RAG1: variants seen among roughly 807,000 people sequenced by gnomAD.
RAG1 encodes the protein recombination activating 1.
A neutral mutation model predicts 62.7 loss-of-function variants in RAG1; 35 were observed. The observed-to-expected ratio is 0.56, with a 90% CI of 0.43 to 0.74. The LOEUF (loss-of-function observed/expected upper bound fraction) is 0.74, where lower values mean the gene tolerates loss of function less well. Among genes scored for constraint, RAG1 ranks in the 30% least tolerant of loss-of-function variants. RAG1 has a pLI of 0.00. For synonymous variants in RAG1, 461 were observed against 470.3 expected (o/e 0.98, Z 0.26); for missense variants, 1,169 against 1,278.6 (o/e 0.91, Z 1.31).
At position 36,512,993 on chromosome 11, in the gene RAG1, G is replaced by A. The variant is rs146935133; in HGVS notation, n.330+1955G>A. Among the ~76,000 whole-genome samples, 287 of 152,292 alleles carry A rather than the reference G, an allele frequency of 1.9e-3. 1 individual carries two copies. The highest frequency in any genetic ancestry group is 6.7e-3 in the African/African-American group (279 of 41,554). ...TTTGGGAGGTGGGACCTAATGAGAG[G>A]CATTTGGGTCGTGGAAGGACACTCT... On this transcript the variant is annotated intron_variant and non_coding_transcript_variant, in intron 1 of 2. Coordinates refer to the RAG1 transcript ENST00000529126.
At chr11:36,532,482 C>A (rs1421259263) in intron 2 of RAG1, among the ~76,000 whole-genome samples, 3 of 152,146 alleles carry the variant, frequency 2.0e-5, no homozygotes, top group Non-Finnish European at 4.4e-5. Flanking sequence ...TTAATAACTT[C>A]ATCTATGACA....
At chr11:36,521,978 G>A (rs577845372) in intron 2 of RAG1, among the ~76,000 whole-genome samples, 5 of 152,122 alleles carry the variant, frequency 3.3e-5, no homozygotes, top group African/African-American at 9.7e-5. Flanking sequence ...GCATTCAAGA[G>A]GTGGCTTGGG....
At chr11:36,534,923 T>A (rs2133259004) in intron 2 of RAG1, among the ~76,000 whole-genome samples, 1 of 152,336 alleles carries the variant, frequency 6.6e-6, no homozygotes, top group African/African-American at 2.4e-5. Flanking sequence ...GTAAATGGAC[T>A]AAAATTATAA....
intron 3 of RAG1, among the ~76,000 whole-genome samples, chr11:36,549,820 G>A (rs1457010564): frequency 6.6e-6 from 1 of 152,192 alleles, no homozygotes; most frequent in Non-Finnish European, 1.5e-5. Flanking sequence ...GCACATGTAT[G>A]TTTATTGCAG....
At position 36,576,504 on chromosome 11, in the gene RAG1, C is replaced by T. The variant is rs1850854899; in HGVS notation, c.*68C>T. On this transcript the variant is annotated 3_prime_UTR_variant, in exon 2 of 2. Coordinates refer to ENST00000299440, the MANE Select transcript of RAG1 (RefSeq NM_000448.3). ...CCTCTGGGTTGCATTGAGGGCTTCT[C>T]CTAGCACCCTTTACTGCTGTGTATG... The T allele has an allele frequency of 1.9e-6, 3 of 1,566,524 alleles. No homozygotes were observed. The highest frequency in any genetic ancestry group is 3.3e-5 in the Admixed American group (2 of 59,854).
Position 36,559,182 on chromosome 11 carries a change from G to T in RAG1, c.-411-4203G>T, listed in dbSNP as rs546917894. On this transcript the variant is annotated intron_variant and NMD_transcript_variant, in intron 3 of 9. Transcript: ENST00000534663. The stretch of plus-strand genomic sequence containing the variant: ...GACTATATTATCACATTGTTTCCTT[G>T]CCCACAAGATTTCTGCTGATAAATA... 1.5e-3 allele frequency among the ~76,000 whole-genome samples: 225 copies of T among 151,834 alleles called. 1 individual carries two copies. Among genetic ancestry groups the T allele is most frequent in the African/African-American group, 5.2e-3 (217 of 41,412 alleles).
At chr11:36,532,679 C>A (rs1189536074) in intron 2 of RAG1, among the ~76,000 whole-genome samples, 1 of 152,164 alleles carries the variant, frequency 6.6e-6, no homozygotes, top group Non-Finnish European at 1.5e-5. Context: ...TACCTGGTCC[C>A]TTTGCTCAGC....
In RAG1 at chr11:36,574,560, A is replaced by G. The variant is rs780974569; in HGVS notation, c.1256A>G (p.Lys419Arg). Reference protein sequence around the residue: ...HRLRELKLQVKAFADKEEGGD... With the variant: ...HRLRELKLQVRAFADKEEGGD... ...CTGAGGGAGCTCAAGCTGCAAGTCA[A>G]AGCCTTTGCTGACAAAGAAGAAGGT... Residue 419 changes from lysine (K) to arginine (R), a missense_variant, in exon 2 of 2, where the codon AAA (lysine) becomes AGA (arginine). Lys to Arg is a conservative substitution (Grantham distance 26). Coordinates refer to ENST00000299440, the MANE Select transcript of RAG1 (RefSeq NM_000448.3). 12 of 1,614,136 alleles carry G rather than the reference A, an allele frequency of 7.4e-6. No homozygotes were observed. The highest frequency in any genetic ancestry group is 1.0e-5 in the Non-Finnish European group (12 of 1,180,042).
chr11:36,550,761 T>G (rs914994742), intron 3 of RAG1, among the ~76,000 whole-genome samples: 17 of 152,130 alleles, frequency 1.1e-4, no homozygotes, highest in African/African-American at 4.1e-4. Context: ...TAAGATAGCA[T>G]GATGGACTTT....
At chr11:36,561,650 G>C (rs1391628304) in intron 3 of RAG1, among the ~76,000 whole-genome samples, 1 of 152,068 alleles carries the variant, frequency 6.6e-6, no homozygotes. Flanking sequence ...GAGGAGGAAG[G>C]GTAAATTTTT....
downstream of RAG1, among the ~76,000 whole-genome samples, chr11:36,540,782 C>T (rs1383871291): frequency 1.3e-5 from 2 of 152,170 alleles, no homozygotes; most frequent in Admixed American, 6.5e-5. Flanking sequence ...GCCCAGTCTC[C>T]GTGTATGGTC....
At chr11:36,529,835 A>G (rs547898793) in intron 2 of RAG1, among the ~76,000 whole-genome samples, 2 of 152,174 alleles carry the variant, frequency 1.3e-5, no homozygotes, top group South Asian at 4.1e-4. Flanking sequence ...TTGGCTTTAC[A>G]GAATGAATTG....
In RAG1 at chr11:36,574,607, A is replaced by G. The variant is rs141524540; in HGVS notation, c.1303A>G (p.Met435Val). ...EEGGDVKSVCMTLFLLALRAR... is the reference protein window; with the variant it reads ...EEGGDVKSVCVTLFLLALRAR... ...AGGTGGAGATGTGAAGTCCGTGTGC[A>G]TGACCTTGTTCCTGCTGGCTCTGAG... The change falls in exon 2 of 2, where the codon ATG (methionine) becomes GTG (valine). Residue 435 changes from methionine to valine, a missense_variant. Transcript: ENST00000299440. The G allele has an allele frequency of 6.2e-5, 100 of 1,614,126 alleles. No individual in the cohort carries two copies. The highest frequency in any genetic ancestry group is 7.0e-5 in the Non-Finnish European group (83 of 1,180,054).
intron 2 of RAG1, among the ~76,000 whole-genome samples, chr11:36,527,365 G>T (rs747730706): frequency 6.6e-6 from 1 of 152,026 alleles, no homozygotes; most frequent in Admixed American, 6.6e-5. Flanking sequence ...GCTTGTTTTT[G>T]TCAGGTTTGT....
chr11:36,572,141 A>G lies in RAG1; in HGVS notation c.-14-1150A>G, dbSNP rs4151018. ...ATTTTGTTAGTTGATCAATTGAGGG[A>G]AAAACATATGTTACTTGATATAACT... On this transcript the variant is annotated intron_variant, in intron 1 of 1. Coordinates refer to ENST00000299440, the MANE Select transcript of RAG1 (RefSeq NM_000448.3). 8.3e-3 allele frequency among the ~76,000 whole-genome samples: 1,268 copies of G among 152,308 alleles called. 17 individuals are homozygous for G. Among genetic ancestry groups the G allele is most frequent in the African/African-American group, 0.029 (1,216 of 41,546 alleles).
chr11:36,540,571 A>AT (rs555581293), downstream of RAG1, among the ~76,000 whole-genome samples: 68 of 151,726 alleles, frequency 4.5e-4, no homozygotes, highest in African/African-American at 1.5e-3. Context: ...CGCATGGCTA[A>AT]TTTTTTTTGG....
intron 1 of RAG1, among the ~76,000 whole-genome samples, chr11:36,514,696 G>A (rs1859972033): frequency 6.6e-6 from 1 of 152,200 alleles, no homozygotes; most frequent in Admixed American, 6.5e-5. Flanking sequence ...TCCCTCACAT[G>A]TGCAGTTCAC....
At chr11:36,534,591 G>T (rs1860299528) in intron 2 of RAG1, among the ~76,000 whole-genome samples, 1 of 152,196 alleles carries the variant, frequency 6.6e-6, no homozygotes. Context: ...ACCAAAGCAT[G>T]TCAGAAGGCC....
chr11:36,565,302 G>T (rs181637298), upstream of RAG1, among the ~76,000 whole-genome samples: 659 of 152,324 alleles, frequency 4.3e-3, 9 homozygotes, highest in Middle Eastern at 0.01. Flanking sequence ...GGAAGAGATT[G>T]AATTTGAAAA....
Sources: gnomAD v4.1 joint callset for allele counts (sites outside exome capture counted in the v4.1 genomes callset) on GRCh38, gnomAD v4.1.1 for gene constraint, MANE v1.5 for transcripts, NCBI Gene and HGNC (gene_info 2026-07-23, HGNC 2026-07-21) for gene names.